Variants in CABCOCO1 observed in about 807,000 individuals in gnomAD.
The protein encoded by CABCOCO1 is ciliary associated calcium binding coiled-coil 1.
Under a neutral mutation model 35.7 loss-of-function variants are expected in CABCOCO1, and 28 were observed. The observed-to-expected ratio is 0.78, with a 90% CI of 0.58 to 1.07. The LOEUF (loss-of-function observed/expected upper bound fraction) is 1.07. Ranked by LOEUF, CABCOCO1 falls within the 50% of genes least tolerant of loss-of-function variation. The pLI is 0.00. For synonymous variants in CABCOCO1, 95 were observed against 100.1 expected, an observed-to-expected ratio of 0.95 and a Z score of 0.30; for missense variants, 326 against 309.2, an observed-to-expected ratio of 1.05 and a Z score of -0.41.
chr10:61,700,188 C>G (rs1009136735), intron 5 of CABCOCO1, among the ~76,000 whole-genome samples: 1 of 151,926 alleles, frequency 6.6e-6, no homozygotes, highest in Non-Finnish European at 1.5e-5. Context: ...TGTAAGATAC[C>G]AGAGGCCACT....
chr10:61,699,511 T>C (rs1163860394), intron 5 of CABCOCO1, among the ~76,000 whole-genome samples: 1 of 152,122 alleles, frequency 6.6e-6, no homozygotes, highest in Non-Finnish European at 1.5e-5. Flanking sequence ...TAGGTTGGCC[T>C]TTTCGTAATT....
intron 5 of CABCOCO1, among the ~76,000 whole-genome samples, chr10:61,747,029 T>G (rs1170785601): frequency 6.6e-6 from 1 of 152,092 alleles, no homozygotes; most frequent in African/African-American, 2.4e-5. Flanking sequence ...ATGGTGAAGT[T>G]CAGATATATA....
chr10:61,671,597 C>A (rs1199160498), intron 1 of CABCOCO1, among the ~76,000 whole-genome samples: 2 of 152,106 alleles, frequency 1.3e-5, no homozygotes, highest in East Asian at 3.9e-4. Flanking sequence ...AATCTCCATT[C>A]TTTCTCCCCT....
At chr10:61,701,732 A>T in intron 5 of CABCOCO1, 1 of 985,346 alleles carries the variant, frequency 1.0e-6, no homozygotes, top group Non-Finnish European at 1.2e-6. Flanking sequence ...TATCAGGTTC[A>T]GCAACCCACA....
chr10:61,741,430 AT>A (rs1841547706), intron 5 of CABCOCO1, among the ~76,000 whole-genome samples: 2 of 152,206 alleles, frequency 1.3e-5, no homozygotes, highest in Admixed American at 1.3e-4. Context: ...AGTGCCACCT[AT>A]TTAAGGAGTA....
At position 61,705,523 on chromosome 10, in the gene CABCOCO1, C is replaced by G. The variant is rs1017475747; in HGVS notation, c.552+14902C>G. 2.0e-5 allele frequency among the ~76,000 whole-genome samples: 3 copies of G among 152,296 alleles called. No individual in the cohort carries two copies. The East Asian group carries it at 5.8e-4, about 29-fold the overall frequency. On this transcript the variant is annotated intron_variant, in intron 5 of 7. Coordinates refer to ENST00000648843, the MANE Select transcript of CABCOCO1 (RefSeq NM_001366906.2). Reference sequence around the variant, plus strand: ...GTAAAACAAACACAGTTTCAAAATGCTCAGAGCCTAGCAAGAGAAACAGAC... The same window carrying G: ...GTAAAACAAACACAGTTTCAAAATGGTCAGAGCCTAGCAAGAGAAACAGAC...
At chr10:61,699,725 C>T (rs1840400014) in intron 5 of CABCOCO1, among the ~76,000 whole-genome samples, 1 of 151,984 alleles carries the variant, frequency 6.6e-6, no homozygotes, top group Non-Finnish European at 1.5e-5. Flanking sequence ...CTTGTTATTT[C>T]CCCAACATTA....
chr10:61,722,852 T>C (rs1450953661), intron 5 of CABCOCO1, among the ~76,000 whole-genome samples: 1 of 152,176 alleles, frequency 6.6e-6, no homozygotes, highest in East Asian at 1.9e-4. Context: ...CTAGATTATA[T>C]TGAAAGCCTA....
chr10:61,679,675 A>T (rs889379837), intron 2 of CABCOCO1, among the ~76,000 whole-genome samples: 1 of 152,204 alleles, frequency 6.6e-6, no homozygotes, highest in African/African-American at 2.4e-5. Context: ...TCATCCAAAG[A>T]TAAGGTGGTA....
At chr10:61,748,647 T>G (rs1841716987) in intron 5 of CABCOCO1, among the ~76,000 whole-genome samples, 1 of 152,248 alleles carries the variant, frequency 6.6e-6, no homozygotes, top group Non-Finnish European at 1.5e-5. Context: ...GACAGTGTTT[T>G]GACCTAGCAG....
chr10:61,674,327 GC>G (rs1220859302), intron 2 of CABCOCO1, among the ~76,000 whole-genome samples: 1 of 152,118 alleles, frequency 6.6e-6, no homozygotes, highest in Admixed American at 6.5e-5. Flanking sequence ...TATAAAAACA[GC>G]CAGGCTCAAT....
intron 5 of CABCOCO1, among the ~76,000 whole-genome samples, chr10:61,709,599 C>T (rs1006242335): frequency 4.0e-5 from 6 of 150,784 alleles, no homozygotes; most frequent in African/African-American, 1.5e-4. Flanking sequence ...TGCCAATAAC[C>T]ACTAAATCAC....
At position 61,766,190 on chromosome 10, in the gene CABCOCO1, A is replaced by G. The variant is rs888579146; in HGVS notation, c.*177A>G. The stretch of plus-strand genomic sequence containing the variant: ...ATTGGTCCCAATTTTGCTATCTCCC[A>G]TCCCATAACAGCCTCTGAATTTATT... On this transcript the variant is annotated 3_prime_UTR_variant, in exon 8 of 8. Coordinates refer to ENST00000648843, the MANE Select transcript of CABCOCO1 (RefSeq NM_001366906.2). The G allele has an allele frequency of 1.7e-5, 9 of 522,792 alleles. No homozygotes were observed. Among genetic ancestry groups the G allele is most frequent in the Admixed American group, 6.5e-5 (2 of 30,612 alleles). The allele number at this position is 522,792 out of a possible 1,614,324, so 32.4% of individuals were successfully genotyped here.
intron 2 of CABCOCO1, among the ~76,000 whole-genome samples, chr10:61,680,393 T>A (rs1370321396): frequency 7.5e-6 from 1 of 133,154 alleles, no homozygotes; most frequent in Non-Finnish European, 1.5e-5. Flanking sequence ...ATAATATATA[T>A]ATTTTTATAT....
At chr10:61,663,686 T>A (rs1373995466) in intron 1 of CABCOCO1, among the ~76,000 whole-genome samples, 1 of 152,188 alleles carries the variant, frequency 6.6e-6, no homozygotes, top group Non-Finnish European at 1.5e-5. Context: ...TGGACACCAG[T>A]GGCTTCCTGT....
intron 7 of CABCOCO1, among the ~76,000 whole-genome samples, chr10:61,762,054 G>C (rs1285437048): frequency 1.3e-5 from 2 of 152,036 alleles, no homozygotes; most frequent in Non-Finnish European, 2.9e-5. Flanking sequence ...TTGTGTAGAA[G>C]GGCAGAGAGC....
intron 1 of CABCOCO1, among the ~76,000 whole-genome samples, chr10:61,666,244 G>A (rs1355576486): frequency 1.3e-5 from 2 of 152,104 alleles, no homozygotes; most frequent in Non-Finnish European, 2.9e-5. Flanking sequence ...GAAAACTCGG[G>A]GCTCAATTGA....
intron 5 of CABCOCO1, among the ~76,000 whole-genome samples, chr10:61,700,369 G>C (rs1024018368): frequency 6.6e-6 from 1 of 151,834 alleles, no homozygotes. Flanking sequence ...CCACACTAAT[G>C]GGAAAATTAA....
At chr10:61,693,284 T>A (rs2131999593) in intron 5 of CABCOCO1, among the ~76,000 whole-genome samples, 1 of 152,258 alleles carries the variant, frequency 6.6e-6, no homozygotes. Context: ...TTGGTACAAA[T>A]ACCTGTTTTT....
Sources: allele counts gnomAD v4.1 joint callset (sites outside exome capture counted in the v4.1 genomes callset), GRCh38; gene constraint gnomAD v4.1.1; transcripts MANE v1.5; gene names NCBI Gene and HGNC (gene_info 2026-07-23, HGNC 2026-07-21).